SLC4A4: variants seen among roughly 807,000 people sequenced by gnomAD.
SLC4A4 encodes electrogenic sodium bicarbonate cotransporter 1.
SLC4A4 carries 27 observed loss-of-function variants against 111.5 expected under a neutral mutation model. The ratio of observed to expected loss-of-function variants is 0.24; its 90% CI spans 0.18 to 0.33. The LOEUF is 0.33. SLC4A4 is among the 10% of genes least tolerant of loss of function. The pLI, the probability that SLC4A4 is intolerant of heterozygous loss-of-function variation, is 1.00. For missense variants in SLC4A4, 909 were observed against 1,315.5 expected (o/e 0.69, Z 4.78); for synonymous variants, 443 against 463.4 (o/e 0.96, Z 0.57).
intron 2 of SLC4A4, among the ~76,000 whole-genome samples, chr4:71,242,198 T>A (rs911505732): frequency 1.3e-5 from 2 of 152,242 alleles, no homozygotes; most frequent in Admixed American, 6.5e-5. Context: ...CAATAAGCCA[T>A]ACCAAATTGC....
intron 3 of SLC4A4, among the ~76,000 whole-genome samples, chr4:71,276,667 G>T (rs923829945): frequency 1.3e-5 from 2 of 151,468 alleles, no homozygotes; most frequent in African/African-American, 4.9e-5. Context: ...TTGCTGAGCA[G>T]TATTCTGTGG....
chr4:71,419,449 C>G (rs891486315), intron 7 of SLC4A4, among the ~76,000 whole-genome samples: 2 of 152,238 alleles, frequency 1.3e-5, no homozygotes, highest in Admixed American at 1.3e-4. Context: ...TGATCTCAGA[C>G]TGCTGTGCTA....
At chr4:71,532,349 T>C (rs905088236) in intron 17 of SLC4A4, among the ~76,000 whole-genome samples, 174 bp downstream of exon 17, 1 of 152,166 alleles carries the variant, frequency 6.6e-6, no homozygotes, top group African/African-American at 2.4e-5. Flanking sequence ...TTCACTACAA[T>C]TAAATGTCAA....
chr4:71,348,661 A>G (rs955851953), intron 4 of SLC4A4, among the ~76,000 whole-genome samples: 6 of 152,148 alleles, frequency 3.9e-5, no homozygotes, highest in Non-Finnish European at 5.9e-5. Flanking sequence ...TCTGAAACAT[A>G]TGGGTGCTGG....
At chr4:71,239,485 GGA>G (rs1298442278) in intron 2 of SLC4A4, among the ~76,000 whole-genome samples, 8 of 152,196 alleles carry the variant, frequency 5.3e-5, no homozygotes, top group African/African-American at 1.9e-4. Context: ...GTGGTTCTGA[GGA>G]GAGAGACTTC....
At chr4:71,176,678 G>A (rs969899346) in intron 2 of SLC4A4, among the ~76,000 whole-genome samples, 1 of 152,226 alleles carries the variant, frequency 6.6e-6, no homozygotes, top group Non-Finnish European at 1.5e-5. Flanking sequence ...ATGGGACTAT[G>A]TGAAAAGACC....
chr4:71,098,377 C>T (rs1336574960), intron 2 of SLC4A4, among the ~76,000 whole-genome samples: 4 of 152,060 alleles, frequency 2.6e-5, no homozygotes, highest in Non-Finnish European at 5.9e-5. Context: ...TCTGTTCCAT[C>T]AGTCTACATG....
intron 3 of SLC4A4, among the ~76,000 whole-genome samples, chr4:71,329,059 A>G (rs890236014): frequency 7.2e-5 from 11 of 152,098 alleles, no homozygotes; most frequent in Admixed American, 6.6e-4. Flanking sequence ...TCCTAGCAGC[A>G]TTTATCGAAG....
chr4:71,492,036 A>C (rs1729979426), intron 15 of SLC4A4, among the ~76,000 whole-genome samples: 1 of 151,670 alleles, frequency 6.6e-6, no homozygotes, highest in African/African-American at 2.4e-5. Flanking sequence ...CTAGGAATTA[A>C]CATTCATTTC....
intron 7 of SLC4A4, among the ~76,000 whole-genome samples, chr4:71,410,124 G>T (rs1721237412): frequency 6.6e-6 from 1 of 152,194 alleles, no homozygotes; most frequent in Non-Finnish European, 1.5e-5. Context: ...CCTCTGTTAG[G>T]TCAGTGCAGA....
At chr4:71,144,727 C>T (rs1163104800) in intron 2 of SLC4A4, among the ~76,000 whole-genome samples, 2 of 151,940 alleles carry the variant, frequency 1.3e-5, no homozygotes, top group African/African-American at 2.4e-5. Context: ...TGGGAGTTCA[C>T]TCATGATTTG....
intron 16 of SLC4A4, among the ~76,000 whole-genome samples, chr4:71,530,742 CCCACCTTG>C (rs1356853811): frequency 1.3e-5 from 2 of 152,100 alleles, no homozygotes; most frequent in African/African-American, 4.8e-5. Flanking sequence ...TTTTACCTTA[CCCACCTTG>C]CCAAGTAATT....
intron 12 of SLC4A4, among the ~76,000 whole-genome samples, chr4:71,460,870 G>A (rs1033855893): frequency 1.3e-5 from 2 of 152,082 alleles, no homozygotes; most frequent in African/African-American, 2.4e-5. Context: ...TAAAGAATCA[G>A]TATTTTTTTT....
At chr4:71,425,155 A>G (rs1295491588) in intron 7 of SLC4A4, among the ~76,000 whole-genome samples, 2 of 152,086 alleles carry the variant, frequency 1.3e-5, no homozygotes, top group Admixed American at 6.6e-5. Flanking sequence ...TGTCCAGGCT[A>G]TTCAGGAACA....
chr4:71,453,391 C>G, intron 11 of SLC4A4, 104 bp from the exon 12 acceptor site: 2 of 1,141,480 alleles, frequency 1.8e-6, no homozygotes, highest in Non-Finnish European at 2.7e-6. Flanking sequence ...GTCACTGATT[C>G]AAGCATTTTA....
At chr4:71,531,299 A>C (rs961922430) in intron 16 of SLC4A4, among the ~76,000 whole-genome samples, 5 of 152,080 alleles carry the variant, frequency 3.3e-5, no homozygotes, top group African/African-American at 1.2e-4. Context: ...TAAAGCCCAG[A>C]CCTTGTCCTG....
At chr4:71,314,482 G>A (rs1263874552) in intron 3 of SLC4A4, among the ~76,000 whole-genome samples, 2 of 152,148 alleles carry the variant, frequency 1.3e-5, no homozygotes, top group African/African-American at 4.8e-5. Context: ...GTTTATTGCA[G>A]TACTGTTTAC....
At chr4:71,243,513 G>GATTTT (rs1241091285) in intron 2 of SLC4A4, among the ~76,000 whole-genome samples, 1 of 152,050 alleles carries the variant, frequency 6.6e-6, no homozygotes, top group Admixed American at 6.6e-5. Flanking sequence ...TTGCTGGTGA[G>GATTTT]ATTTTATTTT....
Position 71,438,945 on chromosome 4 carries a change from A to G in SLC4A4, c.808-1671A>G, listed in dbSNP as rs544844072. ...GATGGAATCTTTTCACTTCTCAACC[A>G]GTTGTTTAATATTTGGTATCAGGAT... On this transcript the variant is annotated intron_variant, in intron 7 of 25. Transcript: ENST00000264485. Among the ~76,000 whole-genome samples, 425 of 152,122 alleles carry G rather than the reference A, an allele frequency of 2.8e-3. 2 individuals carry two copies. Among genetic ancestry groups the G allele is most frequent in the African/African-American group, 9.8e-3 (408 of 41,498 alleles).
Sources: gnomAD v4.1 joint callset for allele counts (sites outside exome capture counted in the v4.1 genomes callset) on GRCh38, gnomAD v4.1.1 for gene constraint, MANE v1.5 for transcripts, NCBI Gene and HGNC (gene_info 2026-07-23, HGNC 2026-07-21) for gene names.